The following PTDSS1 variants were observed in gnomAD, a reference collection of about 807,000 sequenced individuals.
PTDSS1 encodes the protein phosphatidylserine synthase 1.
In PTDSS1, 45 loss-of-function variants were observed where a neutral mutation model predicts 70.5. The observed-to-expected ratio is 0.64, with a 90% CI of 0.50 to 0.82. The LOEUF (loss-of-function observed/expected upper bound fraction) is 0.82. PTDSS1 is among the 40% of genes least tolerant of loss of function. The probability of loss-of-function intolerance (pLI) is 0.00; values close to 1 mark genes in which losing one functional copy is unlikely to be tolerated. For missense variants in PTDSS1, 417 were observed against 586.1 expected (o/e 0.71, Z 2.98); for synonymous variants, 188 against 203.8 (o/e 0.92, Z 0.66).
chr8:96,295,009 A>G (rs1297757214), intron 4 of PTDSS1, 89 bp from the exon 5 acceptor site: 5 of 1,279,140 alleles, frequency 3.9e-6, no homozygotes, highest in African/African-American at 3.0e-5. Context: ...TGTCAAGTTC[A>G]TATCTATTCT....
At chr8:96,287,641 A>G (rs776304561) in intron 4 of PTDSS1, among the ~76,000 whole-genome samples, 1 of 151,918 alleles carries the variant, frequency 6.6e-6, no homozygotes, top group Non-Finnish European at 1.5e-5. Flanking sequence ...CACTCTCAGC[A>G]CCTGCACTCT....
intron 2 of PTDSS1, among the ~76,000 whole-genome samples, chr8:96,274,793 C>T (rs1810617678): frequency 1.3e-5 from 2 of 152,128 alleles, no homozygotes; most frequent in African/African-American, 4.8e-5. Flanking sequence ...GAGGCAGACT[C>T]ATACGTAGCA....
intron 1 of PTDSS1, among the ~76,000 whole-genome samples, chr8:96,271,489 A>C (rs1810565328): frequency 6.6e-6 from 1 of 152,226 alleles, no homozygotes; most frequent in Non-Finnish European, 1.5e-5. Flanking sequence ...TTAAGAATAC[A>C]TGTAATGCCA....
chr8:96,284,556 A>G lies in PTDSS1; in HGVS notation c.316+403A>G, dbSNP rs528578998. 7.2e-5 allele frequency among the ~76,000 whole-genome samples: 11 copies of G among 152,348 alleles called. No individual in the cohort carries two copies. The East Asian group carries it at 2.1e-3, about 29-fold the overall frequency. On this transcript the variant is annotated intron_variant, in intron 3 of 12. Coordinates refer to ENST00000517309, the MANE Select transcript of PTDSS1 (RefSeq NM_014754.3). ...GAAAACAAAGCAATTCAATTTCTTC[A>G]GTTTTATGAATGAGAAAGAACTTGG...
At chr8:96,318,255 C>T (rs982369642) in intron 9 of PTDSS1, among the ~76,000 whole-genome samples, 23 of 151,380 alleles carry the variant, frequency 1.5e-4, no homozygotes, top group Admixed American at 3.3e-4. Context: ...AACCGGGAGG[C>T]GGAGGTTGCA....
chr8:96,309,351 C>G (rs1312964073), intron 8 of PTDSS1: 2 of 458,652 alleles, frequency 4.4e-6, no homozygotes, highest in African/African-American at 2.0e-5. Flanking sequence ...ATGATGCTCC[C>G]CTGCCTCCAG....
chr8:96,276,272 C>G (rs1202712368), intron 2 of PTDSS1, among the ~76,000 whole-genome samples: 1 of 152,154 alleles, frequency 6.6e-6, no homozygotes, highest in East Asian at 1.9e-4. Flanking sequence ...CTTGAGGTAC[C>G]AAAGGCACTG....
chr8:96,296,210 C>T (rs1810973976), intron 5 of PTDSS1, among the ~76,000 whole-genome samples: 2 of 144,600 alleles, frequency 1.4e-5, no homozygotes, highest in East Asian at 4.1e-4. Flanking sequence ...ACGATCTCAG[C>T]TCACTGCAAG....
At chr8:96,312,145 C>T (rs865892269) in intron 9 of PTDSS1, among the ~76,000 whole-genome samples, 1 of 152,206 alleles carries the variant, frequency 6.6e-6, no homozygotes, top group Middle Eastern at 3.2e-3. Flanking sequence ...ACCATCCCCA[C>T]GGTGGGAGAA....
chr8:96,294,787 T>G (rs1810952021), intron 4 of PTDSS1, among the ~76,000 whole-genome samples: 1 of 152,250 alleles, frequency 6.6e-6, no homozygotes. Flanking sequence ...TTAATATTGT[T>G]GCCCTGTGGT....
chr8:96,327,024 G>A (rs543473266), intron 10 of PTDSS1, among the ~76,000 whole-genome samples: 1 of 152,290 alleles, frequency 6.6e-6, no homozygotes, highest in African/African-American at 2.4e-5. Flanking sequence ...ACAGATTGGA[G>A]GATATAGGAG....
chr8:96,295,387 A>G (rs1810961288), intron 5 of PTDSS1, 131 bp downstream of exon 5: 3 of 969,358 alleles, frequency 3.1e-6, no homozygotes, highest in South Asian at 7.2e-5. Flanking sequence ...TATTTAAACC[A>G]TCCCATAAGA....
At chr8:96,323,542 G>A (rs1287851249) in intron 10 of PTDSS1, among the ~76,000 whole-genome samples, 1 of 152,218 alleles carries the variant, frequency 6.6e-6, no homozygotes, top group Non-Finnish European at 1.5e-5. Flanking sequence ...GCCCACTTGA[G>A]CCACAGCTAA....
chr8:96,299,894 A>AT, intron 6 of PTDSS1, 49 bp downstream of exon 6: 1 of 1,555,844 alleles, frequency 6.4e-7, no homozygotes, highest in Non-Finnish European at 8.7e-7. Context: ...CATGATATAT[A>AT]TTTAATTGTT....
At chr8:96,288,937 A>AT (rs376447432) in intron 4 of PTDSS1, among the ~76,000 whole-genome samples, 91 of 145,202 alleles carry the variant, frequency 6.3e-4, no homozygotes, top group African/African-American at 2.0e-3. Context: ...CCCATGATCA[A>AT]TTTTTTTTTC....
intron 5 of PTDSS1, among the ~76,000 whole-genome samples, chr8:96,298,073 C>T (rs532511333): frequency 6.6e-6 from 1 of 152,304 alleles, no homozygotes; most frequent in East Asian, 1.9e-4. Flanking sequence ...AAATATGTGT[C>T]ATTGACTTCT....
At chr8:96,330,507 T>C in intron 11 of PTDSS1, 1 of 531,420 alleles carries the variant, frequency 1.9e-6, no homozygotes, top group Non-Finnish European at 3.4e-6. Context: ...CTAACTTTTG[T>C]TAGATAAAAA....
intron 5 of PTDSS1, among the ~76,000 whole-genome samples, chr8:96,299,093 C>T (rs917698242): frequency 6.6e-6 from 1 of 151,916 alleles, no homozygotes; most frequent in African/African-American, 2.4e-5. Flanking sequence ...AATCAAGACC[C>T]TTGACTTCCT....
intron 2 of PTDSS1, among the ~76,000 whole-genome samples, chr8:96,282,824 C>T (rs182160267): frequency 1.3e-5 from 2 of 152,266 alleles, no homozygotes; most frequent in Admixed American, 1.3e-4. Flanking sequence ...TATTAAAGAG[C>T]CTGTTAAAGA....
Sources: allele counts gnomAD v4.1 joint callset (sites outside exome capture counted in the v4.1 genomes callset), GRCh38; gene constraint gnomAD v4.1.1; transcripts MANE v1.5; gene names NCBI Gene and HGNC (gene_info 2026-07-23, HGNC 2026-07-21).